SGMS2: variants seen among roughly 807,000 people sequenced by gnomAD.
SGMS2 encodes the protein sphingomyelin synthase 2.
A neutral mutation model predicts 43.8 loss-of-function variants in SGMS2; 21 were observed. That is an observed-to-expected ratio of 0.48 (90% CI 0.34 to 0.69). The LOEUF (loss-of-function observed/expected upper bound fraction) is 0.69, where lower values mean the gene tolerates loss of function less well. Ranked by LOEUF, SGMS2 falls within the 30% of genes least tolerant of loss-of-function variation. The pLI, the probability that SGMS2 is intolerant of heterozygous loss-of-function variation, is 0.01. For synonymous variants in SGMS2, 167 were observed against 160.6 expected (o/e 1.04, Z -0.30); for missense variants, 384 against 443.2 (o/e 0.87, Z 1.20).
rs1359530968 is a variant in SGMS2, at chr4:107,857,541, T to TAC, written c.-326-930_-326-929insCA. ...GTTAGGTAGTTAAAAGATATATATA[T>TAC]ATATATATATATGCTACCAAATCAT... is the stretch of plus-strand genomic sequence containing the variant. On this transcript the variant is annotated intron_variant, in intron 1 of 6. Transcript: ENST00000690982. Among the ~76,000 whole-genome samples, 4 of 150,974 alleles carry TAC rather than the reference T, an allele frequency of 2.6e-5. 1 individual carries two copies. Among genetic ancestry groups the TAC allele is most frequent in the Non-Finnish European group, 2.9e-5 (2 of 67,806 alleles).
intron 1 of SGMS2, among the ~76,000 whole-genome samples, chr4:107,827,506 G>A (rs923310271): frequency 6.6e-5 from 10 of 152,192 alleles, no homozygotes; most frequent in Admixed American, 5.2e-4. Flanking sequence ...AGATCTGGTG[G>A]CATTCTGAAT....
At chr4:107,841,558 G>A (rs1349469825) in intron 1 of SGMS2, among the ~76,000 whole-genome samples, 2 of 152,094 alleles carry the variant, frequency 1.3e-5, no homozygotes, top group Non-Finnish European at 2.9e-5. Context: ...GTCCCTTGAA[G>A]TAGAGACCAA....
chr4:107,908,446 T>G, intron 5 of SGMS2, 119 bp from the exon 6 acceptor site: 1 of 1,018,154 alleles, frequency 9.8e-7, no homozygotes, highest in African/African-American at 1.6e-5. Flanking sequence ...GTTATCAGTT[T>G]TATCCTTCTG....
In SGMS2 at chr4:107,884,583, G is replaced by A. The variant is rs550071116; in HGVS notation, c.-244-10727G>A. 3.3e-5 allele frequency among the ~76,000 whole-genome samples: 5 copies of A among 152,286 alleles called. No individual in the cohort carries two copies. The East Asian group carries it at 9.7e-4, about 29-fold the overall frequency. On this transcript the variant is annotated intron_variant, in intron 2 of 6. Transcript: ENST00000690982. Reference sequence around the variant, plus strand: ...GAAAAGTCAAACTGGGAACTGCTTAGGGCAAACCTGCCTCCCATTCTCACA... The same window carrying A: ...GAAAAGTCAAACTGGGAACTGCTTAAGGCAAACCTGCCTCCCATTCTCACA...
intron 1 of SGMS2, among the ~76,000 whole-genome samples, chr4:107,849,433 C>A (rs576274110): frequency 2.6e-5 from 4 of 152,216 alleles, no homozygotes; most frequent in African/African-American, 9.6e-5. Flanking sequence ...TAAGTAGCCC[C>A]ATGTACCTTG....
intron 2 of SGMS2, among the ~76,000 whole-genome samples, chr4:107,885,227 A>AT (rs34938267): frequency 0.15 from 22,945 of 150,000 alleles, 1,861 homozygotes; most frequent in Middle Eastern, 0.2. Flanking sequence ...GTTTTGTTAC[A>AT]TTTTTTTTTT....
chr4:107,880,781 G>A (rs1729273407), intron 2 of SGMS2, among the ~76,000 whole-genome samples: 1 of 150,686 alleles, frequency 6.6e-6, no homozygotes, highest in Non-Finnish European at 1.5e-5. Context: ...TTGAACCTGG[G>A]AGGCTGAGAT....
intron 1 of SGMS2, among the ~76,000 whole-genome samples, chr4:107,845,920 A>T (rs982257482): frequency 6.6e-6 from 1 of 152,174 alleles, no homozygotes; most frequent in African/African-American, 2.4e-5. Flanking sequence ...TCTAAATGTT[A>T]TGCCACCAAA....
intron 5 of SGMS2, among the ~76,000 whole-genome samples, chr4:107,904,674 T>C (rs561156829): frequency 2.1e-4 from 32 of 152,340 alleles, no homozygotes; most frequent in African/African-American, 7.5e-4. Flanking sequence ...TCCTTATTTC[T>C]GTTCTCACAC....
chr4:107,851,122 A>C (rs1432177102), intron 1 of SGMS2, among the ~76,000 whole-genome samples: 3 of 152,194 alleles, frequency 2.0e-5, no homozygotes, highest in African/African-American at 7.2e-5. Flanking sequence ...ATAGGGGTTT[A>C]TGTAAATATG....
intron 1 of SGMS2, among the ~76,000 whole-genome samples, chr4:107,848,345 G>C (rs1726947862): frequency 6.6e-6 from 1 of 152,176 alleles, no homozygotes; most frequent in African/African-American, 2.4e-5. Flanking sequence ...GTTGTCTCCA[G>C]TTTTAGGCAA....
chr4:107,891,036 G>T (rs1166372533), intron 2 of SGMS2, among the ~76,000 whole-genome samples: 3 of 152,076 alleles, frequency 2.0e-5, no homozygotes, highest in Non-Finnish European at 4.4e-5. Context: ...TAGCAAAAAG[G>T]TGGCTTTGTT....
At chr4:107,908,113 A>T (rs1212861482) in intron 5 of SGMS2, 1 of 157,544 alleles carries the variant, frequency 6.3e-6, no homozygotes, top group East Asian at 1.8e-4. Flanking sequence ...AAATAATATA[A>T]ATTTAAAACC....
chr4:107,835,132 A>G lies in SGMS2; in HGVS notation c.-327+9879A>G, dbSNP rs150688090. The stretch of plus-strand genomic sequence containing the variant: ...CAGTTAAAGGTCTTCTCTTTGTACA[A>G]TGTAGCAATAGCACTAGTGTAAGAA... On this transcript the variant is annotated intron_variant, in intron 1 of 6. Coordinates refer to ENST00000690982, the MANE Select transcript of SGMS2 (RefSeq NM_001375905.1). 1.4e-4 allele frequency among the ~76,000 whole-genome samples: 22 copies of G among 152,284 alleles called. No homozygotes were observed. The East Asian group carries it at 4.2e-3, about 29-fold the overall frequency.
intron 1 of SGMS2, among the ~76,000 whole-genome samples, chr4:107,847,501 G>A (rs964241978): frequency 1.3e-5 from 2 of 151,860 alleles, no homozygotes; most frequent in African/African-American, 4.8e-5. Context: ...GTACCATGCT[G>A]TTTTGGTTAC....
intron 2 of SGMS2, among the ~76,000 whole-genome samples, chr4:107,859,606 C>T (rs1008412238): frequency 6.6e-6 from 1 of 152,170 alleles, no homozygotes; most frequent in Non-Finnish European, 1.5e-5. Flanking sequence ...TCAACAAATA[C>T]TTACTGAACG....
intron 2 of SGMS2, among the ~76,000 whole-genome samples, chr4:107,878,000 C>T (rs1053732412): frequency 4.0e-5 from 6 of 149,740 alleles, no homozygotes; most frequent in East Asian, 2.0e-4. Flanking sequence ...ACTGCAACCT[C>T]CACCTCCCGG....
At chr4:107,880,190 C>G (rs1353997509) in intron 2 of SGMS2, among the ~76,000 whole-genome samples, 3 of 151,932 alleles carry the variant, frequency 2.0e-5, no homozygotes, top group Non-Finnish European at 2.9e-5. Context: ...TTTTACCAAG[C>G]CATTCTCAGA....
chr4:107,881,454 C>A (rs572648337), intron 2 of SGMS2, among the ~76,000 whole-genome samples: 8 of 151,400 alleles, frequency 5.3e-5, no homozygotes, highest in Non-Finnish European at 1.0e-4. Flanking sequence ...ATCTCAATTT[C>A]TTTTTATTTT....
Sources: allele counts gnomAD v4.1 joint callset (sites outside exome capture counted in the v4.1 genomes callset), GRCh38; gene constraint gnomAD v4.1.1; transcripts MANE v1.5; gene names NCBI Gene and HGNC (gene_info 2026-07-23, HGNC 2026-07-21).